CEP295: variants seen among roughly 807,000 people sequenced by gnomAD.
CEP295 encodes the protein centrosomal protein 295, also known as centrosomal protein of 295 kDa.
A neutral mutation model predicts 291.6 loss-of-function variants in CEP295; 190 were observed. The observed-to-expected ratio is 0.65, with a 90% CI of 0.58 to 0.73. The LOEUF is 0.73. Among genes scored for constraint, CEP295 ranks in the 30% least tolerant of loss-of-function variants. The probability of loss-of-function intolerance (pLI) is 0.00; values close to 1 mark genes in which losing one functional copy is unlikely to be tolerated. For missense variants in CEP295, 2,863 were observed against 2,949.4 expected (o/e 0.97, Z 0.68); for synonymous variants, 993 against 1,038.8 (o/e 0.96, Z 0.85).
At chr11:93,705,211 A>AC (rs1346742509) in intron 17 of CEP295, among the ~76,000 whole-genome samples, 2 of 152,128 alleles carry the variant, frequency 1.3e-5, no homozygotes, top group Non-Finnish European at 1.5e-5. Context: ...TGCATTCTTA[A>AC]CAAGGGTGTT....
intron 9 of CEP295, among the ~76,000 whole-genome samples, chr11:93,685,460 G>A (rs1013569368): frequency 3.3e-5 from 5 of 152,154 alleles, no homozygotes; most frequent in African/African-American, 7.2e-5. Context: ...CTCAAGTGAG[G>A]GCTCTAGGCC....
In CEP295 at chr11:93,728,706, T is replaced by C. The variant is rs376659765; in HGVS notation, c.7187T>C (p.Met2396Thr). 3 of 1,545,350 alleles carry C rather than the reference T, an allele frequency of 1.9e-6. No homozygotes were observed. The highest frequency in any genetic ancestry group is 1.7e-6 in the Non-Finnish European group (2 of 1,145,414). ...GAAACAGAAACTGGCCATGGTATAATGGAAGAACCAGAACTTACTTTAATA... is the reference window on the plus strand; with the variant it reads ...GAAACAGAAACTGGCCATGGTATAACGGAAGAACCAGAACTTACTTTAATA... ...VWETETGHGI[M>T]EEPELTLIST... The change falls in exon 25 of 30, where the codon ATG (methionine) becomes ACG (threonine). Residue 2396 changes from methionine to threonine, a missense_variant. Coordinates refer to ENST00000325212, the MANE Select transcript of CEP295 (RefSeq NM_033395.2).
intron 18 of CEP295, among the ~76,000 whole-genome samples, chr11:93,708,659 G>A (rs1952683564): frequency 6.6e-6 from 1 of 152,098 alleles, no homozygotes; most frequent in African/African-American, 2.4e-5. Flanking sequence ...TTTCTTTTGA[G>A]TATATACCTA....
Position 93,696,357 on chromosome 11 carries a change from A to T in CEP295, c.1709A>T (p.Asp570Val), listed in dbSNP as rs1378628261. The change falls in exon 14 of 30, where the codon GAT (aspartate) becomes GTT (valine). Residue 570 changes from aspartate to valine, a missense_variant. Asp to Val is a radical substitution (Grantham distance 152). Coordinates refer to ENST00000325212, the MANE Select transcript of CEP295 (RefSeq NM_033395.2). ...IAPASCPVIS[D>V]EDSHRQMIRN... is the part of the protein sequence containing the mutation. ...CCAGCATCATGCCCTGTAATTTCTG[A>T]TGAAGATAGTCATAGGCAGATGATT... 15 of 1,550,772 alleles carry T rather than the reference A, an allele frequency of 9.7e-6. No homozygotes were observed. The Admixed American group carries it at 2.6e-4, about 26-fold the overall frequency.
At chr11:93,661,854 C>T (rs1949999848) in intron 1 of CEP295, 80 bp downstream of exon 1, 1 of 152,682 alleles carries the variant, frequency 6.5e-6, no homozygotes, top group African/African-American at 2.4e-5. Flanking sequence ...GATTGTATTC[C>T]GGAGGAATGG....
Position 93,716,457 on chromosome 11 carries a change from C to T in CEP295, c.5750-4855C>T, listed in dbSNP as rs114841837. ...AAAACCAGGTACTGTGATTGCTCACCGGATTTTTGGTTCGTATGAAGGTAC... is the reference window on the plus strand; with the variant it reads ...AAAACCAGGTACTGTGATTGCTCACTGGATTTTTGGTTCGTATGAAGGTAC... On this transcript the variant is annotated intron_variant, in intron 18 of 29. Transcript: ENST00000325212. Among the ~76,000 whole-genome samples the T allele has an allele frequency of 4.8e-3, 732 of 152,272 alleles. 6 individuals are homozygous for T. The highest frequency in any genetic ancestry group is 0.016 in the African/African-American group (651 of 41,560).
chr11:93,729,813 T>C, intron 27 of CEP295, 32 bp downstream of exon 27: 1 of 1,536,622 alleles, frequency 6.5e-7, no homozygotes, highest in Non-Finnish European at 8.8e-7. Flanking sequence ...TTCAACCAAC[T>C]CCCTGAAATG....
In CEP295 at chr11:93,718,570, C is replaced by T. The variant is rs188458278; in HGVS notation, c.5750-2742C>T. On this transcript the variant is annotated intron_variant, in intron 18 of 29. Transcript: ENST00000325212. ...TTTTATTTTTCACTTCTTACTACCACGCAAATGCTGCCTTATTTATTCATA... is the reference window on the plus strand; with the variant it reads ...TTTTATTTTTCACTTCTTACTACCATGCAAATGCTGCCTTATTTATTCATA... Among the ~76,000 whole-genome samples the T allele has an allele frequency of 1.8e-4, 27 of 152,298 alleles. No homozygotes were observed. In the East Asian group the frequency reaches 3.5e-3, roughly 20 times the overall value.
At chr11:93,682,965 C>G (rs1951047698) in intron 7 of CEP295, among the ~76,000 whole-genome samples, 1 of 152,198 alleles carries the variant, frequency 6.6e-6, no homozygotes, top group African/African-American at 2.4e-5. Context: ...TACCTTCTAC[C>G]ACCAAAATTC....
At chr11:93,711,735 G>A (rs534403000) in intron 18 of CEP295, among the ~76,000 whole-genome samples, 16 of 151,694 alleles carry the variant, frequency 1.1e-4, no homozygotes, top group Non-Finnish European at 1.8e-4. Flanking sequence ...ACTCCTGACC[G>A]CCCAGGAACA....
chr11:93,729,561 TG>T (rs1338869542), intron 26 of CEP295, 31 bp downstream of exon 26: 1 of 1,549,912 alleles, frequency 6.5e-7, no homozygotes, highest in Non-Finnish European at 8.7e-7. Flanking sequence ...ACACTTCTAA[TG>T]GAAAGTAGAT....
intron 10 of CEP295, among the ~76,000 whole-genome samples, chr11:93,690,560 CAAAAAA>C (rs756087606): frequency 3.8e-5 from 2 of 53,168 alleles, no homozygotes; most frequent in Admixed American, 2.0e-4. Context: ...CTCTGTCTCA[CAAAAAA>C]AAAAAAAAAA....
chr11:93,689,127 T>C (rs551765086), intron 10 of CEP295, among the ~76,000 whole-genome samples: 1 of 152,336 alleles, frequency 6.6e-6, no homozygotes, highest in Non-Finnish European at 1.5e-5. Flanking sequence ...CTAGGGTAGA[T>C]TCTTGTAGTA....
intron 12 of CEP295, among the ~76,000 whole-genome samples, chr11:93,693,928 T>C (rs1951724327): frequency 6.6e-6 from 1 of 152,224 alleles, no homozygotes; most frequent in Admixed American, 6.5e-5. Flanking sequence ...ATTTTAAGTT[T>C]TATTTAATTT....
rs1938201899 is a variant in CEP295 at position 93,729,982 on chromosome 11, T to TC, written c.7667+13_7667+14insC. The TC allele has an allele frequency of 1.3e-6, 2 of 1,484,444 alleles. No individual in the cohort carries two copies. The highest frequency in any genetic ancestry group is 2.9e-5 in the African/African-American group (2 of 68,742). The allele number at this position is 1,484,444 out of a possible 1,614,324, so 92.0% of individuals were successfully genotyped here. On this transcript the variant is annotated intron_variant, in intron 28 of 29. Transcript: ENST00000325212. ...AAAGGGGTCTAAGGTAGGGTTAATTTTTTTTTTTTTTTTAGTGATTCACTT... is the reference window on the plus strand; with the variant it reads ...AAAGGGGTCTAAGGTAGGGTTAATTTCTTTTTTTTTTTTTAGTGATTCACTT...
chr11:93,698,935 G>A lies in CEP295; in HGVS notation c.4023G>A (p.Ser1341=), dbSNP rs375387685. 6.9e-5 allele frequency: 107 copies of A among 1,551,368 alleles called. 1 individual carries two copies. In the African/African-American group the frequency reaches 7.1e-4, roughly 10 times the overall value. ...TGCAGGATAGGCTTTTGAGGATATC[G>A]CAACTTATCCAGCCTCAACAAGATA... The part of the protein sequence containing the change: ...PQLQDRLLRI[S]QLIQPQQDNL... The change falls in exon 15 of 30, where the codon TCG becomes TCA. Residue 1341 remains serine, a synonymous_variant. Transcript: ENST00000325212.
chr11:93,666,986 G>C (rs1303401354), intron 2 of CEP295, among the ~76,000 whole-genome samples, 171 bp downstream of exon 2: 1 of 152,138 alleles, frequency 6.6e-6, no homozygotes, highest in African/African-American at 2.4e-5. Flanking sequence ...AGGCTGAGAT[G>C]GTTAAGTACA....
rs1400787694 is a variant in CEP295, at chr11:93,702,516, A to C, written c.5331A>C (p.Arg1777Ser). ...DLKTQKMGQL[R>S]DWFPNTQDLA... is the part of the protein sequence containing the mutation. ...AAACCCAGAAGATGGGGCAGCTCAG[A>C]GACTGGTTTCCTAATACACAAGACC... The change falls in exon 16 of 30, where the codon AGA (arginine) becomes AGC (serine). Residue 1777 changes from arginine (R) to serine (S), a missense_variant. Transcript: ENST00000325212. 1 of 1,550,046 alleles carries C rather than the reference A, an allele frequency of 6.5e-7. No homozygotes were observed. Among genetic ancestry groups the C allele is most frequent in the Admixed American group, 2.0e-5 (1 of 50,536 alleles).
At chr11:93,688,059 A>G (rs1254139260) in intron 10 of CEP295, among the ~76,000 whole-genome samples, 194 bp downstream of exon 10, 1 of 152,168 alleles carries the variant, frequency 6.6e-6, no homozygotes, top group African/African-American at 2.4e-5. Flanking sequence ...ATAGTTATTT[A>G]TATATATTAA....
Sources: gnomAD v4.1 joint callset for allele counts (sites outside exome capture counted in the v4.1 genomes callset) on GRCh38, gnomAD v4.1.1 for gene constraint, MANE v1.5 for transcripts, NCBI Gene and HGNC (gene_info 2026-07-23, HGNC 2026-07-21) for gene names.